Variants in ASXL1 observed in about 807,000 individuals in gnomAD.
ASXL1 encodes the protein polycomb group protein ASXL1.
In ASXL1, 65 loss-of-function variants were observed where a neutral mutation model predicts 89.1. That is an observed-to-expected ratio of 0.73 (90% CI 0.60 to 0.90). ASXL1 has a LOEUF of 0.90. ASXL1 is among the 40% of genes least tolerant of loss of function. The pLI is 0.00. For missense variants in ASXL1, 1,786 were observed against 1,942.9 expected (o/e 0.92, Z 1.52); for synonymous variants, 739 against 746.9 (o/e 0.99, Z 0.17).
chr20:32,421,789 A>T (rs2049255407), intron 4 of ASXL1, among the ~76,000 whole-genome samples: 1 of 152,146 alleles, frequency 6.6e-6, no homozygotes, highest in African/African-American at 2.4e-5. Flanking sequence ...GAAGACCAAG[A>T]ACAGGCAAAA....
At chr20:32,377,419 G>A (rs754117220) in intron 4 of ASXL1, among the ~76,000 whole-genome samples, 4 of 151,460 alleles carry the variant, frequency 2.6e-5, no homozygotes, top group Non-Finnish European at 4.4e-5. Context: ...AGATTTTTTG[G>A]GCATGACAAA....
rs2049261294 is a variant in ASXL1, at chr20:32,421,935, C to G, written c.253-6193C>G. Among the ~76,000 whole-genome samples the G allele has an allele frequency of 3.8e-5, 5 of 131,220 alleles. No individual in the cohort carries two copies. The Admixed American group carries it at 4.5e-4, about 12-fold the overall frequency. The allele number at this position is 131,220 out of a possible 152,430, so 86.1% of individuals were successfully genotyped here. On this transcript the variant is annotated intron_variant, in intron 4 of 12. Coordinates refer to ENST00000375687, the MANE Select transcript of ASXL1 (RefSeq NM_015338.6). ...CCAGGCTGGAGTGCAGTGGCGTGAT[C>G]TCGGCTCACTGCAAGCTCCGCCTCC...
chr20:32,434,127 A>G, intron 12 of ASXL1: 1 of 777,952 alleles, frequency 1.3e-6, no homozygotes, highest in Non-Finnish European at 2.0e-6. Context: ...AGTTATCTTG[A>G]GAGGTCAAAA....
chr20:32,377,780 G>A (rs182888279), intron 4 of ASXL1, among the ~76,000 whole-genome samples: 96 of 151,338 alleles, frequency 6.3e-4, no homozygotes, highest in African/African-American at 2.1e-3. Context: ...AGCCTCCTGC[G>A]TAGCTGGGAT....
chr20:32,436,485 C>T lies in ASXL1; in HGVS notation c.3773C>T (p.Ala1258Val), dbSNP rs971677757. Residue 1258 changes from alanine (A) to valine (V), a missense_variant, in exon 13 of 13, where the codon GCT becomes GTT. By Grantham distance (64) the Ala-to-Val change is moderately conservative (BLOSUM62 0). This residue lies in a region of ASXL1 where 1,418 missense variants were observed against 1,427.8 expected (regional missense o/e 0.99). Transcript: ENST00000375687. ...TCACAGGACAGTAATTCAAATGCTG[C>T]TCCAGGAAAGAGCCCAGGAGATCTT... ...AMSQDSNSNA[A>V]PGKSPGDLTT... 15 of 1,614,188 alleles carry T rather than the reference C, an allele frequency of 9.3e-6. No homozygotes were observed. Among genetic ancestry groups the T allele is most frequent in the Non-Finnish European group, 1.3e-5 (15 of 1,180,036 alleles).
intron 3 of ASXL1, 106 bp downstream of exon 3, chr20:32,367,835 G>A: frequency 2.6e-6 from 2 of 766,764 alleles, no homozygotes; most frequent in Non-Finnish European, 2.4e-6. Flanking sequence ...TGATGAGTGA[G>A]CAGCTCTGTA....
At position 32,433,597 on chromosome 20, in the gene ASXL1, CCA is replaced by C; in HGVS notation, c.1400_1401del (p.Pro467ArgfsTer17). 6.2e-7 allele frequency: 1 copy of C among 1,614,086 alleles called. No individual in the cohort carries two copies. Among genetic ancestry groups the C allele is most frequent in the Non-Finnish European group, 8.5e-7 (1 of 1,179,976 alleles). Reference protein sequence around the residue: ...DPAGLSSPHLPGTSSAAPDLE... With the variant: ...DPAGLSSPHLXGTSSAAPDLE... ...AGCAGGGCTGAGCAGTCCCCATCTG[CCA>C]GGCACATCCTCTGCAGCACCCGACC... On this transcript the variant is annotated frameshift_variant, in exon 12 of 13. Transcript: ENST00000375687. LOFTEE classifies it high-confidence loss of function.
intron 1 of ASXL1, among the ~76,000 whole-genome samples, chr20:32,361,773 T>A (rs904658606): frequency 6.7e-6 from 1 of 150,270 alleles, no homozygotes; most frequent in African/African-American, 2.4e-5. Context: ...GGGAACTTTT[T>A]AAGAGTCCCA....
intron 4 of ASXL1, among the ~76,000 whole-genome samples, chr20:32,398,463 C>T (rs941351785): frequency 6.6e-6 from 1 of 152,068 alleles, no homozygotes; most frequent in African/African-American, 2.4e-5. Context: ...AAGCATTTTT[C>T]TCTCTGTCCT....
At chr20:32,428,783 C>T (rs188752727) in intron 6 of ASXL1, 2 of 299,510 alleles carry the variant, frequency 6.7e-6, no homozygotes, top group East Asian at 1.8e-4. Context: ...GCCTCAGCCT[C>T]CCGAGTAGCT....
rs1434163063 is a variant in ASXL1 at position 32,433,334 on chromosome 20, A to C, written c.1136A>C (p.Glu379Ala). 1 of 1,614,004 alleles carries C rather than the reference A, an allele frequency of 6.2e-7. No homozygotes were observed. Among genetic ancestry groups the C allele is most frequent in the African/African-American group, 1.3e-5 (1 of 74,892 alleles). The change falls in exon 12 of 13, where the codon GAG becomes GCG. Residue 379 changes from glutamate (E) to alanine (A), a missense_variant. By Grantham distance (107) the Glu-to-Ala change is moderately radical. This residue lies in a region of ASXL1 where 1,418 missense variants were observed against 1,427.8 expected (regional missense o/e 0.99). Transcript: ENST00000375687. ...ESLQQNVGQE[E>A]AEIKSGLCVP... ...TTGCAGCAGAACGTGGGCCAGGAGG[A>C]GGCTGAAATCAAAAGTGGCTTGTGT...
intron 4 of ASXL1, among the ~76,000 whole-genome samples, chr20:32,393,862 A>T (rs2048715100): frequency 6.7e-6 from 1 of 148,780 alleles, no homozygotes; most frequent in East Asian, 2.0e-4. Flanking sequence ...ATGGACTGTC[A>T]CTCTGTCGTC....
chr20:32,407,908 T>G (rs1311062552), intron 4 of ASXL1, among the ~76,000 whole-genome samples: 1 of 152,184 alleles, frequency 6.6e-6, no homozygotes, highest in African/African-American at 2.4e-5. Context: ...TGGCTTTATA[T>G]TTTTGGCTCT....
chr20:32,430,908 A>G, intron 8 of ASXL1: 1 of 436,564 alleles, frequency 2.3e-6, no homozygotes, highest in East Asian at 4.1e-5. Context: ...TCTCCAGCCC[A>G]TTCACAGAAG....
At chr20:32,366,998 A>T (rs1251854693) in intron 2 of ASXL1, among the ~76,000 whole-genome samples, 1 of 152,066 alleles carries the variant, frequency 6.6e-6, no homozygotes, top group African/African-American at 2.4e-5. Flanking sequence ...AGAAGTAACA[A>T]GTTAGAAACA....
intron 2 of ASXL1, among the ~76,000 whole-genome samples, chr20:32,367,468 A>T (rs2048225331): frequency 6.6e-6 from 1 of 152,216 alleles, no homozygotes; most frequent in South Asian, 2.1e-4. Context: ...ACTCAGAGCA[A>T]ACTTCATGTT....
chr20:32,393,228 G>A (rs1341556821), intron 4 of ASXL1, among the ~76,000 whole-genome samples: 1 of 152,142 alleles, frequency 6.6e-6, no homozygotes, highest in Non-Finnish European at 1.5e-5. Context: ...TCGTCATCTT[G>A]ATGAATTGGT....
intron 4 of ASXL1, chr20:32,371,719 C>T (rs2048304086): frequency 4.7e-6 from 2 of 427,278 alleles, no homozygotes; most frequent in Non-Finnish European, 4.7e-6. Flanking sequence ...AGTAGTCCCA[C>T]CTCAGCCTCC....
chr20:32,433,472 AC>A lies in ASXL1; in HGVS notation c.1275del (p.Tyr425Ter), dbSNP rs755250567. 3 of 1,614,210 alleles carry A rather than the reference AC, an allele frequency of 1.9e-6. No individual in the cohort carries two copies. Among genetic ancestry groups the A allele is most frequent in the Non-Finnish European group, 2.5e-6 (3 of 1,180,038 alleles). ...CGAACCAGAGCCAGAAGGAATCTGT[AC>A]AAAAAACAGGAGTCAGAACAAGCAG... ...DLRTRARRNL[Y>X]KKQESEQAGV... On this transcript the variant is annotated frameshift_variant, in exon 12 of 13. Coordinates refer to ENST00000375687, the MANE Select transcript of ASXL1 (RefSeq NM_015338.6). LOFTEE classifies it high-confidence loss of function.
Sources: allele counts gnomAD v4.1 joint callset (sites outside exome capture counted in the v4.1 genomes callset), GRCh38; gene constraint gnomAD v4.1.1; regional missense constraint gnomAD v4.1.1; transcripts MANE v1.5; gene names NCBI Gene and HGNC (gene_info 2026-07-23, HGNC 2026-07-21).